TNR: variants seen among roughly 807,000 people sequenced by gnomAD.
The protein encoded by TNR is tenascin R, also known as tenascin-R.
Under a neutral mutation model 150.4 loss-of-function variants are expected in TNR, and 45 were observed. That is an observed-to-expected ratio of 0.30 (90% CI 0.24 to 0.38). The LOEUF (loss-of-function observed/expected upper bound fraction) is 0.38. Among genes scored for constraint, TNR ranks in the 10% least tolerant of loss-of-function variants. The probability of loss-of-function intolerance (pLI) is 1.00; values close to 1 mark genes in which losing one functional copy is unlikely to be tolerated. For missense variants in TNR, 1,544 were observed against 1,759.1 expected, an observed-to-expected ratio of 0.88 and a Z score of 2.19; for synonymous variants, 687 against 678.4, an observed-to-expected ratio of 1.01 and a Z score of -0.20.
intron 1 of TNR, among the ~76,000 whole-genome samples, chr1:175,583,857 T>C (rs958419444): frequency 6.6e-6 from 1 of 152,036 alleles, no homozygotes; most frequent in African/African-American, 2.4e-5. Context: ...TTCAGACAAA[T>C]ATGTGCTGTA....
intron 4 of TNR, 104 bp from the exon 5 acceptor site, chr1:175,396,911 T>C (rs1480256827): frequency 6.9e-7 from 1 of 1,441,586 alleles, no homozygotes; most frequent in East Asian, 2.3e-5. Flanking sequence ...CATGTCTATA[T>C]GTCCTGCTGG....
chr1:175,499,458 G>A (rs1438574140), intron 2 of TNR, among the ~76,000 whole-genome samples: 2 of 151,894 alleles, frequency 1.3e-5, no homozygotes, highest in Non-Finnish European at 2.9e-5. Flanking sequence ...TGTTTCCCAC[G>A]TACCTCTGGC....
chr1:175,557,224 G>A (rs950465209), intron 1 of TNR, among the ~76,000 whole-genome samples: 3 of 152,152 alleles, frequency 2.0e-5, no homozygotes, highest in Admixed American at 1.3e-4. Flanking sequence ...TCAACATCTA[G>A]GTTGCAGCTT....
At chr1:175,634,996 C>A (rs1369790520) in intron 1 of TNR, among the ~76,000 whole-genome samples, 1 of 152,200 alleles carries the variant, frequency 6.6e-6, no homozygotes, top group African/African-American at 2.4e-5. Flanking sequence ...CCCTACCTAG[C>A]CCCTCCTCTG....
intron 1 of TNR, among the ~76,000 whole-genome samples, chr1:175,643,121 C>T (rs947103558): frequency 2.6e-5 from 4 of 152,002 alleles, no homozygotes; most frequent in Admixed American, 2.6e-4. Context: ...TTCTCATGAG[C>T]GATGATGCAC....
intron 1 of TNR, among the ~76,000 whole-genome samples, chr1:175,719,263 G>A (rs899798130): frequency 6.6e-6 from 1 of 152,144 alleles, no homozygotes; most frequent in Non-Finnish European, 1.5e-5. Flanking sequence ...CAGGGGTGTC[G>A]GGATATTGGG....
intron 1 of TNR, among the ~76,000 whole-genome samples, chr1:175,695,117 G>T (rs1666475736): frequency 1.3e-5 from 2 of 152,354 alleles, no homozygotes; most frequent in East Asian, 3.9e-4. Context: ...GTAGAACATG[G>T]TAGAAGGGAT....
At chr1:175,363,635 G>A in intron 13 of TNR, 73 bp downstream of exon 13, 1 of 1,540,002 alleles carries the variant, frequency 6.5e-7, no homozygotes. Context: ...TGGATGTTCT[G>A]CGGGATATGC....
chr1:175,702,351 GT>G (rs1666721550), intron 1 of TNR, among the ~76,000 whole-genome samples: 1 of 152,162 alleles, frequency 6.6e-6, no homozygotes. Flanking sequence ...CCTCTGGGTT[GT>G]CACCCAGCCA....
At chr1:175,437,826 A>G (rs1655582685) in intron 2 of TNR, among the ~76,000 whole-genome samples, 1 of 152,228 alleles carries the variant, frequency 6.6e-6, no homozygotes, top group Admixed American at 6.5e-5. Context: ...AGACTAAACC[A>G]GGAAGAAGTT....
At chr1:175,658,279 G>T (rs1225037551) in intron 1 of TNR, among the ~76,000 whole-genome samples, 1 of 152,070 alleles carries the variant, frequency 6.6e-6, no homozygotes, top group Non-Finnish European at 1.5e-5. Context: ...TTGACTTTAT[G>T]GGGAGAAGAA....
intron 1 of TNR, among the ~76,000 whole-genome samples, chr1:175,720,041 C>A (rs1381285208): frequency 6.6e-6 from 1 of 152,228 alleles, no homozygotes; most frequent in African/African-American, 2.4e-5. Flanking sequence ...GTTTCCAGCA[C>A]TGTCTCACTC....
At chr1:175,457,764 T>C (rs1374052458) in intron 2 of TNR, among the ~76,000 whole-genome samples, 1 of 152,246 alleles carries the variant, frequency 6.6e-6, no homozygotes, top group East Asian at 1.9e-4. Context: ...TCAATAGCTA[T>C]AATTTGTAAT....
intron 1 of TNR, among the ~76,000 whole-genome samples, chr1:175,696,958 AC>A (rs1318135482): frequency 2.0e-5 from 3 of 152,084 alleles, no homozygotes; most frequent in African/African-American, 7.2e-5. Context: ...ATTAAGTCAA[AC>A]TATTTAGCTG....
intron 2 of TNR, among the ~76,000 whole-genome samples, chr1:175,517,012 TGAGAGAGAGAGAGAGA>T (rs58416273): frequency 5.5e-4 from 66 of 120,452 alleles, no homozygotes; most frequent in African/African-American, 1.3e-3. Flanking sequence ...ATCTGAAAGC[TGAGAGAGAGAGAGAGA>T]GAGAGAGAGA....
rs1557881925 is a variant in TNR at position 175,355,959 on chromosome 1, C to A, written c.3119-326G>T. On this transcript the variant is annotated intron_variant, in intron 16 of 22. Transcript: ENST00000367674. ...CTTGTTCACTCGTGAACTTACGTTT[C>A]CACATATTACCTATGTCTACTTTCT... 3.3e-5 allele frequency among the ~76,000 whole-genome samples: 5 copies of A among 152,292 alleles called. No homozygotes were observed. The South Asian group carries it at 1.0e-3, about 32-fold the overall frequency.
intron 1 of TNR, among the ~76,000 whole-genome samples, chr1:175,658,608 T>A (rs1665267419): frequency 6.6e-6 from 1 of 152,192 alleles, no homozygotes; most frequent in Non-Finnish European, 1.5e-5. Context: ...GCTAGAACAT[T>A]TTCAGAGCTA....
intron 2 of TNR, among the ~76,000 whole-genome samples, chr1:175,464,220 A>T (rs1298824881): frequency 6.6e-6 from 1 of 152,242 alleles, no homozygotes; most frequent in Admixed American, 6.5e-5. Context: ...CATTAAACTC[A>T]GCACTTCTGA....
intron 1 of TNR, among the ~76,000 whole-genome samples, chr1:175,581,032 C>T (rs1312387481): frequency 1.3e-5 from 2 of 152,208 alleles, no homozygotes; most frequent in Non-Finnish European, 2.9e-5. Context: ...CAAGTGGGAA[C>T]ACTGCCAGTC....
Sources: allele counts gnomAD v4.1 joint callset (sites outside exome capture counted in the v4.1 genomes callset), GRCh38; gene constraint gnomAD v4.1.1; transcripts MANE v1.5; gene names NCBI Gene and HGNC (gene_info 2026-07-23, HGNC 2026-07-21).